TUBGCP5: variants seen among roughly 807,000 people sequenced by gnomAD.
TUBGCP5 encodes the protein tubulin gamma complex component 5.
TUBGCP5 carries 98 observed loss-of-function variants against 134.7 expected under a neutral mutation model. That is an observed-to-expected ratio of 0.73 (90% CI 0.62 to 0.86). TUBGCP5 has a LOEUF of 0.86. Among genes scored for constraint, TUBGCP5 ranks in the 40% least tolerant of loss-of-function variants. The pLI is 0.00. For missense variants in TUBGCP5, 1,150 were observed against 1,244.8 expected (o/e 0.92, Z 1.15); for synonymous variants, 456 against 431.4 (o/e 1.06, Z -0.71).
At chr15:23,038,043 C>T (rs148042755) in intron 1 of TUBGCP5, among the ~76,000 whole-genome samples, 2 of 152,206 alleles carry the variant, frequency 1.3e-5, no homozygotes, top group African/African-American at 2.4e-5. Flanking sequence ...GGATTACAGG[C>T]GTGAGCCACC....
chr15:22,997,438 C>A (rs2064141668), downstream of TUBGCP5, among the ~76,000 whole-genome samples: 1 of 151,790 alleles, frequency 6.6e-6, no homozygotes, highest in Non-Finnish European at 1.5e-5. Flanking sequence ...CCTTGACCTC[C>A]CAAAGTGCTG....
intron 10 of TUBGCP5, chr15:23,023,679 T>G: frequency 3.0e-6 from 1 of 330,422 alleles, no homozygotes; most frequent in Non-Finnish European, 5.6e-6. Flanking sequence ...GCCAAGGACC[T>G]GGCTGTCTCT....
At position 22,986,144 on chromosome 15, in the gene TUBGCP5, A is replaced by AAAAT; in HGVS notation, c.*62-2534_*62-2533insATTT. Among the ~76,000 whole-genome samples the AAAAT allele has an allele frequency of 3.5e-5, 3 of 85,636 alleles. No individual in the cohort carries two copies. In the East Asian group the frequency reaches 8.7e-4, roughly 25 times the overall value. The allele number at this position is 85,636 out of a possible 152,430, so 56.2% of individuals were successfully genotyped here. A position where few individuals can be genotyped will look rare whatever the true frequency, so the allele number is the denominator to read the frequency against. ...GCAAGACTCTGTCTCAAAAAAAAAA[A>AAAAT]AAAAATAATAATAATAATAAAATAA... On this transcript the variant is annotated intron_variant and NMD_transcript_variant, in intron 23 of 23. Transcript: ENST00000614508.
intron 23 of TUBGCP5, among the ~76,000 whole-genome samples, chr15:22,993,915 A>G (rs1356741810): frequency 6.6e-6 from 1 of 151,800 alleles, no homozygotes; most frequent in Non-Finnish European, 1.5e-5. Context: ...TCCTGGGCTC[A>G]AGCGATTCGC....
intron 23 of TUBGCP5, chr15:22,983,630 A>G (rs1391561998): frequency 6.6e-6 from 1 of 152,086 alleles, no homozygotes. Flanking sequence ...AAATAAATAA[A>G]TAAATTAGAC....
chr15:22,996,480 T>C (rs1411896403), downstream of TUBGCP5, among the ~76,000 whole-genome samples: 2 of 152,106 alleles, frequency 1.3e-5, no homozygotes, highest in African/African-American at 2.4e-5. Context: ...TTCATCTTTT[T>C]AATTTTTATT....
intron 6 of TUBGCP5, among the ~76,000 whole-genome samples, chr15:23,029,350 T>C (rs975247153): frequency 6.6e-6 from 1 of 152,188 alleles, no homozygotes; most frequent in African/African-American, 2.4e-5. Context: ...GCCTCCCAGG[T>C]AGCTGGGATT....
chr15:23,003,630 C>CTTT (rs2064521658), intron 20 of TUBGCP5, among the ~76,000 whole-genome samples: 3 of 106,004 alleles, frequency 2.8e-5, no homozygotes, highest in African/African-American at 1.1e-4. Context: ...ACTCCTCCTT[C>CTTT]TGTTTTTTTT....
intron 23 of TUBGCP5, among the ~76,000 whole-genome samples, chr15:22,993,534 T>G (rs1394880910): frequency 8.8e-5 from 8 of 91,144 alleles, no homozygotes; most frequent in African/African-American, 1.8e-4. Flanking sequence ...AGTTTTTTTT[T>G]TTTTTTTTTT....
chr15:23,038,827 A>G (rs2066746044), intron 1 of TUBGCP5, among the ~76,000 whole-genome samples: 1 of 151,274 alleles, frequency 6.6e-6, no homozygotes, highest in Admixed American at 6.6e-5. Flanking sequence ...ACTGCATTAG[A>G]AATTGTATTA....
Position 23,024,139 on chromosome 15 carries a change from GA to G in TUBGCP5, c.975del (p.Arg326AspfsTer68). 1.9e-6 allele frequency: 3 copies of G among 1,614,058 alleles called. No homozygotes were observed. Among genetic ancestry groups the G allele is most frequent in the Non-Finnish European group, 2.5e-6 (3 of 1,180,006 alleles). On this transcript the variant is annotated frameshift_variant, in exon 10 of 23. Transcript: ENST00000615383. LOFTEE classifies it high-confidence loss of function. ...EQIAAYGQVV[F>X]RLQEFIDEVM... ...ACTTCATCAATGAACTCCTGGAGTC[GA>G]AACACAACCTGGCCATATGCTGCTA...
chr15:23,031,908 G>C (rs2066333345), intron 5 of TUBGCP5, 42 bp downstream of exon 5: 2 of 1,487,126 alleles, frequency 1.3e-6, no homozygotes, highest in Non-Finnish European at 1.9e-6. Flanking sequence ...ATATCACCTG[G>C]CGTGTATTTC....
Position 23,037,163 on chromosome 15 carries a change from C to G in TUBGCP5, c.147-11G>C. ...AAGAAACGATGAAATCTATTAAAGACAAAATGCAATTCTTATGCCAACTCT... is the reference window on the plus strand; with the variant it reads ...AAGAAACGATGAAATCTATTAAAGAGAAAATGCAATTCTTATGCCAACTCT... On this transcript the variant is annotated splice_polypyrimidine_tract_variant and intron_variant, in intron 1 of 22. Coordinates refer to ENST00000615383, the MANE Select transcript of TUBGCP5 (RefSeq NM_052903.6). 6.2e-7 allele frequency: 1 copy of G among 1,611,148 alleles called. No individual in the cohort carries two copies. Among genetic ancestry groups the G allele is most frequent in the Non-Finnish European group, 8.5e-7 (1 of 1,179,512 alleles).
chr15:23,008,881 C>G lies in TUBGCP5; in HGVS notation c.2145G>C (p.Arg715Ser). The G allele has an allele frequency of 6.5e-7, 1 of 1,549,978 alleles. No homozygotes were observed. Among genetic ancestry groups the G allele is most frequent in the Non-Finnish European group, 8.6e-7 (1 of 1,156,320 alleles). Residue 715 changes from arginine (R) to serine (S), a missense_variant and splice_region_variant, in exon 16 of 23, where the codon AGG becomes AGC. Physicochemically the swap from Arg to Ser is moderately radical, Grantham distance 110. Around this residue, in one of 2 missense-constraint regions of TUBGCP5, gnomAD observed 697 missense variants for 850.1 expected, o/e 0.82. Transcript: ENST00000615383. Reference protein sequence around the residue: ...NLMQTLKKDYRLVEYLQAMRN... With the variant: ...NLMQTLKKDYSLVEYLQAMRN... ...TCATAGCTTGCAAGTATTCTACCAACCTGAATGGAGAGAAAATGAGTGACA... is the reference window on the plus strand; with the variant it reads ...TCATAGCTTGCAAGTATTCTACCAAGCTGAATGGAGAGAAAATGAGTGACA...
chr15:23,006,374 T>A, intron 16 of TUBGCP5, 22 bp from the exon 17 acceptor site: 1 of 1,566,712 alleles, frequency 6.4e-7, no homozygotes, highest in Non-Finnish European at 8.7e-7. Flanking sequence ...AATTCCAGTT[T>A]TAGTTTGTGA....
At chr15:22,991,741 CAAA>C (rs1216401716) in intron 23 of TUBGCP5, among the ~76,000 whole-genome samples, 1 of 152,150 alleles carries the variant, frequency 6.6e-6, no homozygotes, top group Non-Finnish European at 1.5e-5. Context: ...GCACCCATCT[CAAA>C]GAACAGAAGT....
At chr15:23,036,852 G>GAAAC in intron 3 of TUBGCP5, 45 bp downstream of exon 3, 1 of 1,254,674 alleles carries the variant, frequency 8.0e-7, no homozygotes, top group Middle Eastern at 1.9e-4. Context: ...AATCAGATAG[G>GAAAC]AAACAGTAAA....
At chr15:23,017,626 A>T in intron 13 of TUBGCP5, 147 bp downstream of exon 13, 1 of 748,178 alleles carries the variant, frequency 1.3e-6, no homozygotes, top group Non-Finnish European at 2.1e-6. Flanking sequence ...CAGCATGGTT[A>T]CTAATTCAAC....
rs753315086 is a variant in TUBGCP5, at chr15:23,008,893, G to C, written c.2145-12C>G. 1.6e-5 allele frequency: 24 copies of C among 1,534,726 alleles called. No individual in the cohort carries two copies. The South Asian group carries it at 2.9e-4, about 19-fold the overall frequency. On this transcript the variant is annotated splice_polypyrimidine_tract_variant and intron_variant, in intron 15 of 22. Coordinates refer to ENST00000615383, the MANE Select transcript of TUBGCP5 (RefSeq NM_052903.6). ...AGTATTCTACCAACCTGAATGGAGA[G>C]AAAATGAGTGACACTAAGATCTCTG...
Sources: gnomAD v4.1 joint callset for allele counts (sites outside exome capture counted in the v4.1 genomes callset) on GRCh38, gnomAD v4.1.1 for gene constraint, gnomAD v4.1.1 regional missense constraint, MANE v1.5 for transcripts, NCBI Gene and HGNC (gene_info 2026-07-23, HGNC 2026-07-21) for gene names.